The following CNTN6 variants were observed in gnomAD, a reference collection of about 807,000 sequenced individuals.
CNTN6 encodes the protein contactin 6, also known as contactin-6.
In CNTN6, 137 loss-of-function variants were observed where a neutral mutation model predicts 122.8. The observed-to-expected ratio is 1.12, with a 90% CI of 0.97 to 1.29. CNTN6 has a LOEUF of 1.29. Ranked by LOEUF, CNTN6 falls within the 50% of genes most tolerant of loss-of-function variation. The pLI is 0.00. For missense variants in CNTN6, 1,634 were observed against 1,223.4 expected, an observed-to-expected ratio of 1.34 and a Z score of -5.01; for synonymous variants, 570 against 426.0, an observed-to-expected ratio of 1.34 and a Z score of -4.16.
intron 11 of CNTN6, among the ~76,000 whole-genome samples, chr3:1,345,770 CACATTTCT>C (rs1704595519): frequency 6.6e-6 from 1 of 151,998 alleles, no homozygotes; most frequent in Admixed American, 6.6e-5. Context: ...AATTTATACC[CACATTTCT>C]ATTTCTTATC....
At chr3:1,158,436 C>T (rs1575060228) in intron 2 of CNTN6, among the ~76,000 whole-genome samples, 1 of 151,938 alleles carries the variant, frequency 6.6e-6, no homozygotes, top group African/African-American at 2.4e-5. Flanking sequence ...GTTATTAGTC[C>T]CTTGTCAGAT....
intron 2 of CNTN6, among the ~76,000 whole-genome samples, chr3:1,182,707 T>C (rs1210907911): frequency 6.6e-6 from 1 of 152,000 alleles, no homozygotes; most frequent in African/African-American, 2.4e-5. Context: ...GAACAGAAAA[T>C]TGATGAAACA....
chr3:1,327,325 A>C, intron 9 of CNTN6, 132 bp from the exon 10 acceptor site: 1 of 969,758 alleles, frequency 1.0e-6, no homozygotes. Context: ...GCTGCTCAGA[A>C]TCTAGTAGTG....
chr3:1,281,043 C>G (rs58031209), intron 5 of CNTN6, among the ~76,000 whole-genome samples: 4,724 of 152,182 alleles, frequency 0.031, 249 homozygotes, highest in African/African-American at 0.1. Context: ...TGATACAGAT[C>G]ATGCCCACAA....
intron 20 of CNTN6, among the ~76,000 whole-genome samples, chr3:1,388,843 C>G (rs1045872283): frequency 1.4e-5 from 2 of 146,880 alleles, no homozygotes; most frequent in African/African-American, 5.1e-5. Flanking sequence ...TGAAATGAAG[C>G]AAGAAGGGAA....
intron 11 of CNTN6, among the ~76,000 whole-genome samples, chr3:1,332,645 A>C (rs1450773232): frequency 6.6e-6 from 1 of 152,010 alleles, no homozygotes; most frequent in Non-Finnish European, 1.5e-5. Context: ...TATAGTAAAA[A>C]GATTTCAGCC....
At chr3:1,347,851 C>T (rs1395510499) in intron 11 of CNTN6, among the ~76,000 whole-genome samples, 2 of 151,982 alleles carry the variant, frequency 1.3e-5, no homozygotes, top group African/African-American at 4.8e-5. Flanking sequence ...GGGTTTTAAG[C>T]AGTGAAACTT....
rs370000900 is a variant in CNTN6, at chr3:1,270,251, C to T, written c.359-8162C>T. ...AAAATTAGTTACTATAGAACTAAAA[C>T]AAAATCACTCAAGAAATAGGAAATA... On this transcript the variant is annotated intron_variant, in intron 4 of 22. Coordinates refer to ENST00000446702, the MANE Select transcript of CNTN6 (RefSeq NM_001289080.2). Among the ~76,000 whole-genome samples, 31 of 151,608 alleles carry T rather than the reference C, an allele frequency of 2.0e-4. 1 individual carries two copies. The highest frequency in any genetic ancestry group is 7.3e-4 in the African/African-American group (30 of 41,000).
At position 1,329,816 on chromosome 3, in the gene CNTN6, TA is replaced by T. The variant is rs758676375; in HGVS notation, c.1253del (p.Lys418SerfsTer63). 12 of 1,605,306 alleles carry T rather than the reference TA, an allele frequency of 7.5e-6. No homozygotes were observed. Among genetic ancestry groups the T allele is most frequent in the Admixed American group, 1.7e-5 (1 of 58,326 alleles). ...CTCCAGATTTCTCCAAAAGTCCAGT[TA>T]AAAAAAAGTCTTTTGTTCAAGTTGG... ...SAPDFSKSPV[K>X]KKSFVQVGGD... On this transcript the variant is annotated frameshift_variant, in exon 11 of 23. Coordinates refer to ENST00000446702, the MANE Select transcript of CNTN6 (RefSeq NM_001289080.2). LOFTEE classifies it high-confidence loss of function.
chr3:1,305,805 T>C (rs1176943611), intron 7 of CNTN6, among the ~76,000 whole-genome samples: 1 of 152,014 alleles, frequency 6.6e-6, no homozygotes, highest in Non-Finnish European at 1.5e-5. Flanking sequence ...CATGTATAAC[T>C]TATTTTTTTT....
At chr3:1,205,574 T>C (rs1169102128) in intron 2 of CNTN6, among the ~76,000 whole-genome samples, 1 of 152,204 alleles carries the variant, frequency 6.6e-6, no homozygotes, top group Non-Finnish European at 1.5e-5. Context: ...AGATTCCTGC[T>C]TGTAGCTACC....
intron 2 of CNTN6, among the ~76,000 whole-genome samples, chr3:1,151,215 A>G (rs2092835266): frequency 6.6e-6 from 1 of 152,250 alleles, no homozygotes; most frequent in African/African-American, 2.4e-5. Context: ...TCCAGATGGC[A>G]GGGACTATAT....
At chr3:1,329,660 C>A in intron 10 of CNTN6, 125 bp from the exon 11 acceptor site, 4 of 738,794 alleles carry the variant, frequency 5.4e-6, no homozygotes, top group Non-Finnish European at 8.3e-6. Flanking sequence ...ACACCTTGAG[C>A]AAAGTAACCT....
intron 1 of CNTN6, among the ~76,000 whole-genome samples, chr3:1,139,756 A>G (rs1333115724): frequency 2.0e-5 from 3 of 152,244 alleles, no homozygotes; most frequent in Admixed American, 6.5e-5. Flanking sequence ...AAGGGAAGTG[A>G]CTTACAGAAA....
At chr3:1,395,944 C>T (rs1345763793) in intron 20 of CNTN6, among the ~76,000 whole-genome samples, 2 of 152,130 alleles carry the variant, frequency 1.3e-5, no homozygotes, top group Non-Finnish European at 2.9e-5. Context: ...ATCTCTTCAT[C>T]CCACTACCAC....
At chr3:1,169,194 A>G (rs1458329616) in intron 2 of CNTN6, among the ~76,000 whole-genome samples, 2 of 152,216 alleles carry the variant, frequency 1.3e-5, no homozygotes, top group Non-Finnish European at 2.9e-5. Context: ...AGAGCATGCA[A>G]TTGGCAGAGG....
At chr3:1,300,577 GAAA>G (rs1559755801) in intron 7 of CNTN6, among the ~76,000 whole-genome samples, 6 of 33,238 alleles carry the variant, frequency 1.8e-4, no homozygotes, top group African/African-American at 4.6e-4. Flanking sequence ...AAGAAAGAAA[GAAA>G]GAAAGAAAGA....
chr3:1,300,070 G>A (rs546330708), intron 7 of CNTN6, among the ~76,000 whole-genome samples: 45 of 151,930 alleles, frequency 3.0e-4, no homozygotes, highest in African/African-American at 8.9e-4. Flanking sequence ...TCTGCCACCC[G>A]GGTTCCCGCC....
chr3:1,113,901 C>G (rs1379254978), intron 1 of CNTN6, among the ~76,000 whole-genome samples: 1 of 152,162 alleles, frequency 6.6e-6, no homozygotes, highest in African/African-American at 2.4e-5. Flanking sequence ...TCTAAGATAT[C>G]TCTCCATGAC....
Sources: gnomAD v4.1 joint callset for allele counts (sites outside exome capture counted in the v4.1 genomes callset) on GRCh38, gnomAD v4.1.1 for gene constraint, MANE v1.5 for transcripts, NCBI Gene and HGNC (gene_info 2026-07-23, HGNC 2026-07-21) for gene names.